LGALS9: variants seen among roughly 807,000 people sequenced by gnomAD.
LGALS9 encodes the protein galectin-9.
Under a neutral mutation model 35.9 loss-of-function variants are expected in LGALS9, and 26 were observed. The ratio of observed to expected loss-of-function variants is 0.72; its 90% CI spans 0.53 to 1.01. The LOEUF (loss-of-function observed/expected upper bound fraction) is 1.01, where lower values mean the gene tolerates loss of function less well. Among genes scored for constraint, LGALS9 ranks in the 50% least tolerant of loss-of-function variants. The pLI, the probability that LGALS9 is intolerant of heterozygous loss-of-function variation, is 0.00. For missense variants in LGALS9, 347 were observed against 445.8 expected (o/e 0.78, Z 1.99); for synonymous variants, 149 against 172.2 (o/e 0.87, Z 1.06).
At position 27,647,397 on chromosome 17, in the gene LGALS9, C is replaced by G; in HGVS notation, c.886C>G (p.Arg296Gly). ...SWGSEERSLP[R>G]KMPFVRGQSF... ...GGGGTCTGAGGAGCGAAGTCTGCCC[C>G]GAAAAATGCCCTTCGTCCGTGGCCA... is the stretch of plus-strand genomic sequence containing the variant. Residue 296 changes from arginine (R) to glycine (G), a missense_variant, in exon 10 of 11, where the codon CGA becomes GGA. Physicochemically the swap from Arg to Gly is moderately radical, Grantham distance 125 (BLOSUM62 -2). Transcript: ENST00000395473. 1.2e-6 allele frequency: 2 copies of G among 1,614,132 alleles called. No individual in the cohort carries two copies. Among genetic ancestry groups the G allele is most frequent in the South Asian group, 2.2e-5 (2 of 91,084 alleles).
chr17:27,644,526 G>GGGAGAAT (rs1904781831), intron 5 of LGALS9: 1 of 152,388 alleles, frequency 6.6e-6, no homozygotes, highest in Admixed American at 6.5e-5. Flanking sequence ...ATACCAGCCA[G>GGGAGAAT]GGCAAGAACA....
chr17:27,631,849 T>C (rs1241698486), intron 1 of LGALS9, among the ~76,000 whole-genome samples: 1 of 151,906 alleles, frequency 6.6e-6, no homozygotes, highest in Non-Finnish European at 1.5e-5. Context: ...GTAGGTGCTT[T>C]GGGAGTGTTT....
At position 27,640,740 on chromosome 17, in the gene LGALS9, C is replaced by A. The variant is rs1904410681; in HGVS notation, c.300C>A (p.Asp100Glu). The part of the protein sequence containing the change: ...HMPFQKGMPF[D>E]LCFLVQSSDF... Reference sequence around the variant, plus strand: ...CTTTCCAGAAGGGGATGCCCTTTGACCTCTGCTTCCTGGTGCAGAGCTCAG... The same window carrying A: ...CTTTCCAGAAGGGGATGCCCTTTGAACTCTGCTTCCTGGTGCAGAGCTCAG... The change falls in exon 3 of 11, where the codon GAC becomes GAA. Residue 100 changes from aspartate to glutamate, a missense_variant. Physicochemically the swap from Asp to Glu is conservative, Grantham distance 45. Transcript: ENST00000395473. The A allele has an allele frequency of 6.2e-7, 1 of 1,614,082 alleles. No individual in the cohort carries two copies. Among genetic ancestry groups the A allele is most frequent in the Non-Finnish European group, 8.5e-7 (1 of 1,180,020 alleles).
At chr17:27,640,010 A>T (rs1202561265) in intron 2 of LGALS9, among the ~76,000 whole-genome samples, 2 of 151,868 alleles carry the variant, frequency 1.3e-5, no homozygotes, top group Middle Eastern at 3.2e-3. Context: ...TGCTGGGATT[A>T]CAGGCGTGAG....
At chr17:27,631,380 C>CT (rs2074391469) in intron 1 of LGALS9, 76 bp downstream of exon 1, 1 of 1,599,126 alleles carries the variant, frequency 6.3e-7, no homozygotes, top group African/African-American at 1.3e-5. Context: ...GAAGCAACTC[C>CT]TGGGTGGCAG....
intron 1 of LGALS9, among the ~76,000 whole-genome samples, chr17:27,632,822 G>A (rs541142761): frequency 5.8e-4 from 88 of 152,286 alleles, no homozygotes; most frequent in African/African-American, 2.1e-3. Context: ...TCTACCCCAC[G>A]GGGGCTCCCC....
At position 27,640,666 on chromosome 17, in the gene LGALS9, A is replaced by G. The variant is rs371890240; in HGVS notation, c.226A>G (p.Thr76Ala). The G allele has an allele frequency of 1.3e-5, 21 of 1,614,126 alleles. 1 individual carries two copies. The highest frequency in any genetic ancestry group is 1.6e-5 in the Non-Finnish European group (19 of 1,180,060). Residue 76 changes from threonine to alanine, a missense_variant, in exon 3 of 11, where the codon ACG becomes GCG. Coordinates refer to ENST00000395473, the MANE Select transcript of LGALS9 (RefSeq NM_009587.3). ...AGATGGAGGGTACGTGGTGTGCAACACGAGGCAGAACGGAAGCTGGGGGCC... is the reference window on the plus strand; with the variant it reads ...AGATGGAGGGTACGTGGTGTGCAACGCGAGGCAGAACGGAAGCTGGGGGCC... Reference protein sequence around the residue: ...FEDGGYVVCNTRQNGSWGPEE... With the variant: ...FEDGGYVVCNARQNGSWGPEE...
intron 1 of LGALS9, among the ~76,000 whole-genome samples, chr17:27,634,619 T>A (rs2074424870): frequency 6.6e-6 from 1 of 152,172 alleles, no homozygotes; most frequent in Non-Finnish European, 1.5e-5. Context: ...AGCTTCTTCT[T>A]GCTTCTGTGC....
At chr17:27,635,878 C>T (rs1364851685) in intron 1 of LGALS9, among the ~76,000 whole-genome samples, 6 of 152,194 alleles carry the variant, frequency 3.9e-5, no homozygotes, top group South Asian at 2.1e-4. Flanking sequence ...AATCCTAGGC[C>T]GTGCTGGTCC....
chr17:27,633,698 T>C (rs926292458), intron 1 of LGALS9, among the ~76,000 whole-genome samples: 2 of 152,264 alleles, frequency 1.3e-5, no homozygotes, highest in Admixed American at 1.3e-4. Context: ...GGGATCGATT[T>C]GTTCAATGCA....
At position 27,633,321 on chromosome 17, in the gene LGALS9, C is replaced by T. The variant is rs1444849204; in HGVS notation, c.39+2017C>T. ...ACACACATGGATCCAAATGCCACAG[C>T]AGCCTTAGCTGGTCAACCTCAAAAC... On this transcript the variant is annotated intron_variant, in intron 1 of 10. Coordinates refer to ENST00000395473, the MANE Select transcript of LGALS9 (RefSeq NM_009587.3). 2.0e-5 allele frequency among the ~76,000 whole-genome samples: 3 copies of T among 152,254 alleles called. No individual in the cohort carries two copies. The East Asian group carries it at 5.8e-4, about 29-fold the overall frequency.
At position 27,646,592 on chromosome 17, in the gene LGALS9, A is replaced by C. The variant is rs1286748805; in HGVS notation, c.669+4A>C. 2 of 1,612,682 alleles carry C rather than the reference A, an allele frequency of 1.2e-6. No individual in the cohort carries two copies. Among genetic ancestry groups the C allele is most frequent in the East Asian group, 4.5e-5 (2 of 44,870 alleles). On this transcript the variant is annotated splice_donor_region_variant and intron_variant, in intron 8 of 10. Coordinates refer to ENST00000395473, the MANE Select transcript of LGALS9 (RefSeq NM_009587.3). ...GATGTACCCCCACCCCGCCTATGTA[A>C]GTGGTTTCTCAGGGAGGGCAGAGGT... is the stretch of plus-strand genomic sequence containing the variant.
intron 5 of LGALS9, chr17:27,644,846 G>A (rs1457376477): frequency 1.2e-5 from 2 of 161,076 alleles, no homozygotes; most frequent in Non-Finnish European, 2.7e-5. Context: ...CTTCCACCTT[G>A]GCAAGCTTGG....
chr17:27,640,427 A>G, intron 2 of LGALS9, 145 bp from the exon 3 acceptor site: 1 of 1,245,290 alleles, frequency 8.0e-7, no homozygotes, highest in Non-Finnish European at 1.1e-6. Context: ...TAGAAAAACA[A>G]AAACGATGCC....
chr17:27,642,104 C>G (rs1265704675), intron 3 of LGALS9, 134 bp from the exon 4 acceptor site: 3 of 1,497,878 alleles, frequency 2.0e-6, no homozygotes, highest in Non-Finnish European at 2.7e-6. Flanking sequence ...GTCACACACA[C>G]GTTCCTGTAA....
chr17:27,643,366 G>T (rs1260569431), intron 4 of LGALS9, among the ~76,000 whole-genome samples, 159 bp from the exon 5 acceptor site: 1 of 152,174 alleles, frequency 6.6e-6, no homozygotes, highest in Non-Finnish European at 1.5e-5. Flanking sequence ...GCTCACCAGA[G>T]CCTGGCTCTT....
At chr17:27,641,643 T>C (rs1229561909) in intron 3 of LGALS9, among the ~76,000 whole-genome samples, 1 of 152,098 alleles carries the variant, frequency 6.6e-6, no homozygotes, top group Non-Finnish European at 1.5e-5. Flanking sequence ...AGTTAACAAA[T>C]CTGCACATCC....
intron 9 of LGALS9, 62 bp from the exon 10 acceptor site, chr17:27,647,208 A>T: frequency 1.9e-6 from 3 of 1,613,584 alleles, no homozygotes; most frequent in Non-Finnish European, 2.5e-6. Context: ...GCTACTGATG[A>T]TGGGGAGGAA....
intron 5 of LGALS9, 43 bp from the exon 6 acceptor site, chr17:27,645,271 G>T: frequency 6.2e-7 from 1 of 1,613,800 alleles, no homozygotes; most frequent in Non-Finnish European, 8.5e-7. Flanking sequence ...CCATTCTGTG[G>T]TGCCCGCGAT....
Sources: allele counts gnomAD v4.1 joint callset (sites outside exome capture counted in the v4.1 genomes callset), GRCh38; gene constraint gnomAD v4.1.1; transcripts MANE v1.5; gene names NCBI Gene and HGNC (gene_info 2026-07-23, HGNC 2026-07-21).